The following RAB31 variants were observed in gnomAD, a reference collection of about 807,000 sequenced individuals.
RAB31 encodes ras-related protein Rab-31.
A neutral mutation model predicts 25.6 loss-of-function variants in RAB31; 21 were observed. The observed-to-expected ratio is 0.82, with a 90% CI of 0.58 to 1.18. The LOEUF (loss-of-function observed/expected upper bound fraction) is 1.18. Among genes scored for constraint, RAB31 ranks in the 50% most tolerant of loss-of-function variants. The probability of loss-of-function intolerance (pLI) is 0.00; values close to 1 mark genes in which losing one functional copy is unlikely to be tolerated. For missense variants in RAB31, 196 were observed against 250.1 expected, an observed-to-expected ratio of 0.78 and a Z score of 1.46; for synonymous variants, 87 against 84.0, an observed-to-expected ratio of 1.04 and a Z score of -0.20.
intron 4 of RAB31, chr18:9,814,592 A>G (rs1452250940): frequency 3.2e-5 from 5 of 158,172 alleles, no homozygotes; most frequent in African/African-American, 9.6e-5. Context: ...TGAATTATTT[A>G]CTTTTTTTTC....
intron 2 of RAB31, among the ~76,000 whole-genome samples, chr18:9,785,461 G>A (rs1278920857): frequency 6.6e-6 from 1 of 152,168 alleles, no homozygotes; most frequent in African/African-American, 2.4e-5. Context: ...TGATATATAT[G>A]TCATATTTGC....
intron 5 of RAB31, among the ~76,000 whole-genome samples, chr18:9,841,134 G>A (rs1241585742): frequency 1.3e-5 from 2 of 152,048 alleles, no homozygotes; most frequent in African/African-American, 2.4e-5. Flanking sequence ...GCCTTGCTAT[G>A]CTGCTGATGC....
At chr18:9,783,013 A>C (rs2068413059) in intron 2 of RAB31, among the ~76,000 whole-genome samples, 1 of 152,204 alleles carries the variant, frequency 6.6e-6, no homozygotes, top group African/African-American at 2.4e-5. Flanking sequence ...AAAAAAAGCA[A>C]TGATTGTCGT....
intron 1 of RAB31, among the ~76,000 whole-genome samples, chr18:9,738,940 G>A (rs961641400): frequency 2.6e-5 from 4 of 152,186 alleles, no homozygotes; most frequent in South Asian, 2.1e-4. Flanking sequence ...GCTGGTGTCC[G>A]CTGAAGAATC....
At chr18:9,792,024 C>T (rs1052761916) in intron 2 of RAB31, 130 bp from the exon 3 acceptor site, 10 of 1,258,934 alleles carry the variant, frequency 7.9e-6, no homozygotes, top group East Asian at 2.7e-5. Context: ...GCCCTTTTCT[C>T]GTCTTAGTGG....
rs758737690 is a variant in RAB31 at position 9,845,541 on chromosome 18, AC to A, written c.381-40del. The stretch of plus-strand genomic sequence containing the variant: ...CTTTTGGGTGATTTGTATTTTACAA[AC>A]AAACATTCATTTCCTGTCTACATTT... On this transcript the variant is annotated intron_variant, in intron 5 of 6. Coordinates refer to ENST00000578921, the MANE Select transcript of RAB31 (RefSeq NM_006868.4). 5.4e-6 allele frequency: 8 copies of A among 1,475,178 alleles called. No individual in the cohort carries two copies. The East Asian group carries it at 1.8e-4, about 33-fold the overall frequency. The allele number at this position is 1,475,178 out of a possible 1,614,324, so 91.4% of individuals were successfully genotyped here.
chr18:9,741,624 C>T (rs1177923661), intron 1 of RAB31, among the ~76,000 whole-genome samples: 1 of 152,136 alleles, frequency 6.6e-6, no homozygotes, highest in Non-Finnish European at 1.5e-5. Flanking sequence ...GCGCCAGTGC[C>T]AGCCTCTCTC....
At chr18:9,796,188 G>A (rs1236293239) in intron 3 of RAB31, among the ~76,000 whole-genome samples, 1 of 152,152 alleles carries the variant, frequency 6.6e-6, no homozygotes, top group African/African-American at 2.4e-5. Flanking sequence ...TGAGGACACA[G>A]TGGCATAAGA....
At chr18:9,807,279 C>T (rs2068546675) in intron 3 of RAB31, among the ~76,000 whole-genome samples, 1 of 150,542 alleles carries the variant, frequency 6.6e-6, no homozygotes, top group African/African-American at 2.5e-5. Context: ...GATACTGTCC[C>T]ACACAGTGGG....
chr18:9,750,464 TG>T (rs2068229094), intron 1 of RAB31, among the ~76,000 whole-genome samples: 3 of 152,156 alleles, frequency 2.0e-5, no homozygotes. Flanking sequence ...ACTGGGGCCC[TG>T]GGAAGTCATT....
Position 9,765,508 on chromosome 18 carries a change from G to A in RAB31, c.40-9770G>A, listed in dbSNP as rs150183354. On this transcript the variant is annotated intron_variant, in intron 1 of 6. Coordinates refer to ENST00000578921, the MANE Select transcript of RAB31 (RefSeq NM_006868.4). Reference sequence around the variant, plus strand: ...GTTTGATAATGTTTTCTGCTTTTATGGCACCTTATTTTTGGTAGTGGTTAC... The same window carrying A: ...GTTTGATAATGTTTTCTGCTTTTATAGCACCTTATTTTTGGTAGTGGTTAC... 7.3e-4 allele frequency among the ~76,000 whole-genome samples: 111 copies of A among 152,250 alleles called. 1 individual carries two copies. Among genetic ancestry groups the A allele is most frequent in the African/African-American group, 2.6e-3 (106 of 41,546 alleles).
intron 1 of RAB31, among the ~76,000 whole-genome samples, chr18:9,713,532 C>T (rs1221930630): frequency 8.5e-5 from 13 of 152,194 alleles, no homozygotes; most frequent in Admixed American, 8.5e-4. Context: ...CTGATGGAAT[C>T]CATCAGGGTC....
At chr18:9,821,443 C>A (rs907187557) in intron 5 of RAB31, among the ~76,000 whole-genome samples, 3 of 151,938 alleles carry the variant, frequency 2.0e-5, no homozygotes, top group African/African-American at 7.2e-5. Context: ...GGATTACATT[C>A]TTTTTATGAT....
intron 1 of RAB31, among the ~76,000 whole-genome samples, chr18:9,739,940 T>A (rs969804411): frequency 6.6e-6 from 1 of 152,228 alleles, no homozygotes; most frequent in Admixed American, 6.5e-5. Flanking sequence ...CTCCTAAGCA[T>A]CTTTTATTTT....
intron 3 of RAB31, among the ~76,000 whole-genome samples, chr18:9,812,865 T>C (rs1279334280): frequency 6.6e-6 from 1 of 152,124 alleles, no homozygotes. Context: ...GCCCAGCTAA[T>C]TTTTGTATTT....
Position 9,708,479 on chromosome 18 carries a change from G to A in RAB31, c.39+35G>A. On this transcript the variant is annotated intron_variant, in intron 1 of 6. Coordinates refer to ENST00000578921, the MANE Select transcript of RAB31 (RefSeq NM_006868.4). This position sits in a 1 kb window ranked among gnomAD's most constrained non-coding sequence, Gnocchi z 6.4. Reference sequence around the variant, plus strand: ...GGCCGCCACCCGCCGGCGGACCCCGGCCCGCGCTCTCGCGCCCCTTCGCTC... The same window carrying A: ...GGCCGCCACCCGCCGGCGGACCCCGACCCGCGCTCTCGCGCCCCTTCGCTC... 1.3e-6 allele frequency: 2 copies of A among 1,536,978 alleles called. No individual in the cohort carries two copies. Among genetic ancestry groups the A allele is most frequent in the East Asian group, 2.6e-5 (1 of 38,218 alleles).
At chr18:9,796,750 T>C (rs1382797663) in intron 3 of RAB31, among the ~76,000 whole-genome samples, 1 of 152,136 alleles carries the variant, frequency 6.6e-6, no homozygotes, top group Non-Finnish European at 1.5e-5. Flanking sequence ...CATTAAATTA[T>C]ACATAATGTC....
chr18:9,768,726 T>C (rs1345281414), intron 1 of RAB31, among the ~76,000 whole-genome samples: 1 of 152,210 alleles, frequency 6.6e-6, no homozygotes, highest in Non-Finnish European at 1.5e-5. Context: ...CAACTTTGGC[T>C]TTTGTTGCCA....
At chr18:9,753,058 G>T (rs554890800) in intron 1 of RAB31, among the ~76,000 whole-genome samples, 1 of 152,320 alleles carries the variant, frequency 6.6e-6, no homozygotes, top group African/African-American at 2.4e-5. Context: ...AAAGAAGACT[G>T]GGACTGTGCT....
Sources: allele counts gnomAD v4.1 joint callset (sites outside exome capture counted in the v4.1 genomes callset), GRCh38; gene constraint gnomAD v4.1.1; non-coding constraint Gnocchi (gnomAD v3.1); transcripts MANE v1.5; gene names NCBI Gene and HGNC (gene_info 2026-07-23, HGNC 2026-07-21).